ACVR1C: variants seen among roughly 807,000 people sequenced by gnomAD.
The protein encoded by ACVR1C is activin A receptor type 1C, also known as activin receptor type-1C.
ACVR1C carries 23 observed loss-of-function variants against 57.9 expected under a neutral mutation model. The ratio of observed to expected loss-of-function variants is 0.40; its 90% CI spans 0.29 to 0.56. The LOEUF is 0.56. Among genes scored for constraint, ACVR1C ranks in the 20% least tolerant of loss-of-function variants. The probability of loss-of-function intolerance (pLI) is 0.50; values close to 1 mark genes in which losing one functional copy is unlikely to be tolerated. For missense variants in ACVR1C, 480 were observed against 607.9 expected (o/e 0.79, Z 2.21); for synonymous variants, 214 against 215.3 (o/e 0.99, Z 0.05).
chr2:157,586,977 C>T (rs993846468), intron 2 of ACVR1C, among the ~76,000 whole-genome samples: 66 of 152,180 alleles, frequency 4.3e-4, no homozygotes, highest in African/African-American at 1.4e-3. Flanking sequence ...AAAATTGTTA[C>T]GTTATTGTCA....
chr2:157,617,264 T>C (rs1682675494), intron 1 of ACVR1C, among the ~76,000 whole-genome samples: 1 of 152,102 alleles, frequency 6.6e-6, no homozygotes, highest in Non-Finnish European at 1.5e-5. Flanking sequence ...TAAATGTGTA[T>C]GTGCCTAAGT....
At chr2:157,535,624 T>C (rs1397868286) in intron 8 of ACVR1C, among the ~76,000 whole-genome samples, 1 of 152,004 alleles carries the variant, frequency 6.6e-6, no homozygotes, top group Admixed American at 6.6e-5. Flanking sequence ...AGTCACAAGT[T>C]TGAGACCAGC....
At chr2:157,541,001 T>C (rs1314078270) in intron 7 of ACVR1C, 89 bp downstream of exon 7, 2 of 1,433,754 alleles carry the variant, frequency 1.4e-6, no homozygotes, top group Admixed American at 2.2e-5. Context: ...TGATTGAATA[T>C]AGTGCTTAGG....
At chr2:157,561,202 A>G (rs1050256901) in intron 2 of ACVR1C, among the ~76,000 whole-genome samples, 1 of 152,220 alleles carries the variant, frequency 6.6e-6, no homozygotes, top group South Asian at 2.1e-4. Flanking sequence ...TTTTATTAAT[A>G]GTTTTTCCCA....
At chr2:157,603,041 G>T (rs569250772) in intron 1 of ACVR1C, among the ~76,000 whole-genome samples, 1 of 152,252 alleles carries the variant, frequency 6.6e-6, no homozygotes, top group South Asian at 2.1e-4. Flanking sequence ...TGGGGTCTGG[G>T]TAAACACCCA....
chr2:157,562,375 A>G (rs934245762), intron 2 of ACVR1C, among the ~76,000 whole-genome samples: 3 of 146,950 alleles, frequency 2.0e-5, no homozygotes, highest in African/African-American at 7.4e-5. Flanking sequence ...GAGGCCCAAG[A>G]CTAAACCAGG....
At chr2:157,555,485 C>T (rs1688078280) in intron 3 of ACVR1C, among the ~76,000 whole-genome samples, 1 of 152,178 alleles carries the variant, frequency 6.6e-6, no homozygotes, top group Non-Finnish European at 1.5e-5. Flanking sequence ...ATGTATGTAA[C>T]CACAGCCAGC....
At chr2:157,599,483 A>G (rs920716924) in intron 1 of ACVR1C, among the ~76,000 whole-genome samples, 2 of 152,164 alleles carry the variant, frequency 1.3e-5, no homozygotes, top group Non-Finnish European at 2.9e-5. Context: ...CAACAAGCTC[A>G]CTCTAGATAA....
chr2:157,544,910 A>G (rs978290586), intron 4 of ACVR1C, among the ~76,000 whole-genome samples: 1 of 152,262 alleles, frequency 6.6e-6, no homozygotes, highest in Non-Finnish European at 1.5e-5. Flanking sequence ...TGCTGGCAAT[A>G]GTAACCACAT....
At chr2:157,580,029 C>T (rs897631185) in intron 2 of ACVR1C, among the ~76,000 whole-genome samples, 14 of 151,838 alleles carry the variant, frequency 9.2e-5, no homozygotes, top group South Asian at 2.1e-4. Flanking sequence ...GTCTCTCTCA[C>T]GCACCCCCTC....
intron 5 of ACVR1C, among the ~76,000 whole-genome samples, chr2:157,543,842 C>T (rs1301085640): frequency 6.6e-6 from 1 of 151,928 alleles, no homozygotes; most frequent in African/African-American, 2.4e-5. Context: ...TATTTGTATT[C>T]TCTGGATATA....
At chr2:157,602,879 A>G (rs546931904) in intron 1 of ACVR1C, among the ~76,000 whole-genome samples, 37 of 152,328 alleles carry the variant, frequency 2.4e-4, no homozygotes, top group African/African-American at 7.5e-4. Flanking sequence ...TATAAAGAAT[A>G]TATTAATATG....
intron 3 of ACVR1C, among the ~76,000 whole-genome samples, chr2:157,554,730 G>T (rs1688050613): frequency 6.6e-6 from 1 of 152,290 alleles, no homozygotes; most frequent in African/African-American, 2.4e-5. Flanking sequence ...GCCTACCTCT[G>T]TTAATTGTTA....
Position 157,528,855 on chromosome 2 carries a change from A to G in ACVR1C, c.*5063T>C, listed in dbSNP as rs372952160. ...AATACTCTATAGTGCCAAATGAAGG[A>G]TTACTGGAGAAGTTATGAGGTGAAA... On this transcript the variant is annotated 3_prime_UTR_variant, in exon 9 of 9. Coordinates refer to ENST00000243349, the MANE Select transcript of ACVR1C (RefSeq NM_145259.3). The G allele has an allele frequency of 6.6e-6, 1 of 152,304 alleles. No individual in the cohort carries two copies. Among genetic ancestry groups the G allele is most frequent in the African/African-American group, 2.4e-5 (1 of 41,574 alleles). 9.4% of individuals were successfully genotyped at this position (152,304 alleles called of 1,614,324 possible). A position where few individuals can be genotyped will look rare whatever the true frequency, so the allele number is the denominator to read the frequency against.
At chr2:157,554,268 A>AAAGAAAGAAAGAAAGGAAGAAAGG (rs1261113225) in intron 3 of ACVR1C, among the ~76,000 whole-genome samples, 13 of 113,612 alleles carry the variant, frequency 1.1e-4, no homozygotes, top group Non-Finnish European at 1.8e-4. Context: ...AGAAAGAAAG[A>AAAGAAAGAAAGAAAGGAAGAAAGG]AAGGAAGGAA....
intron 2 of ACVR1C, among the ~76,000 whole-genome samples, chr2:157,560,411 C>T (rs1459869959): frequency 2.0e-5 from 3 of 152,140 alleles, no homozygotes; most frequent in African/African-American, 4.8e-5. Flanking sequence ...AAGATGAATC[C>T]TGAGTGGTAA....
intron 2 of ACVR1C, among the ~76,000 whole-genome samples, chr2:157,584,063 A>G (rs1454169419): frequency 2.0e-5 from 3 of 152,116 alleles, no homozygotes; most frequent in Non-Finnish European, 4.4e-5. Flanking sequence ...CCTTCAAGAA[A>G]ACAAAATGGC....
Position 157,544,468 on chromosome 2 carries a change from T to G in ACVR1C, c.920A>C (p.His307Pro). The change falls in exon 5 of 9, where the codon CAT becomes CCT. Residue 307 changes from histidine (H) to proline (P), a missense_variant. Coordinates refer to ENST00000243349, the MANE Select transcript of ACVR1C (RefSeq NM_145259.3). ...ACCTTGTGTACCAACAATCTCCATA[T>G]GAAGGTGTGCCAGACCACTAGCAAT... Reference protein sequence around the residue: ...LSIASGLAHLHMEIVGTQGKP... With the variant: ...LSIASGLAHLPMEIVGTQGKP... 1 of 1,613,302 alleles carries G rather than the reference T, an allele frequency of 6.2e-7. No individual in the cohort carries two copies. The highest frequency in any genetic ancestry group is 8.5e-7 in the Non-Finnish European group (1 of 1,179,656).
intron 2 of ACVR1C, among the ~76,000 whole-genome samples, chr2:157,561,262 T>C (rs1688225512): frequency 6.6e-6 from 1 of 152,238 alleles, no homozygotes; most frequent in African/African-American, 2.4e-5. Flanking sequence ...GTATAACTAT[T>C]AATATCAAGT....
Sources: gnomAD v4.1 joint callset for allele counts (sites outside exome capture counted in the v4.1 genomes callset) on GRCh38, gnomAD v4.1.1 for gene constraint, MANE v1.5 for transcripts, NCBI Gene and HGNC (gene_info 2026-07-23, HGNC 2026-07-21) for gene names.